Variants in GALNTL6 observed in about 807,000 individuals in gnomAD.
The protein encoded by GALNTL6 is polypeptide N-acetylgalactosaminyltransferase-like 6.
GALNTL6 carries 46 observed loss-of-function variants against 73.7 expected under a neutral mutation model. The ratio of observed to expected loss-of-function variants is 0.62; its 90% CI spans 0.49 to 0.80. GALNTL6 has a LOEUF of 0.80. Among genes scored for constraint, GALNTL6 ranks in the 30% least tolerant of loss-of-function variants. The pLI is 0.00. For synonymous variants in GALNTL6, 259 were observed against 263.7 expected (o/e 0.98, Z 0.17); for missense variants, 604 against 755.0 (o/e 0.80, Z 2.34).
intron 2 of GALNTL6, among the ~76,000 whole-genome samples, chr4:171,994,788 A>G (rs947617643): frequency 5.9e-5 from 9 of 152,112 alleles, no homozygotes; most frequent in South Asian, 2.1e-4. Flanking sequence ...ACTCCCAGAA[A>G]ACTCAGAGGC....
In GALNTL6 at chr4:172,476,953, CTTGCTCTGTCGCCCAGGCTAGA is replaced by C. The variant is rs1176615745; in HGVS notation, c.553+128265_553+128286del. Among the ~76,000 whole-genome samples the C allele has an allele frequency of 3.7e-4, 46 of 123,002 alleles. No homozygotes were observed. In the East Asian group the frequency reaches 8.7e-3, roughly 23 times the overall value. The allele number at this position is 123,002 out of a possible 152,430, so 80.7% of individuals were successfully genotyped here. A position where few individuals can be genotyped will look rare whatever the true frequency, so the allele number is the denominator to read the frequency against. On this transcript the variant is annotated intron_variant, in intron 5 of 12. Coordinates refer to ENST00000506823, the MANE Select transcript of GALNTL6 (RefSeq NM_001034845.3). ...TTTTTTTTTTTTTTTGAGACAGAGT[CTTGCTCTGTCGCCCAGGCTAGA>C]GTGCAGTGGCACGATCTCGGCTCAC...
intron 5 of GALNTL6, among the ~76,000 whole-genome samples, chr4:172,354,927 C>T (rs541081151): frequency 7.2e-5 from 11 of 152,074 alleles, no homozygotes; most frequent in Non-Finnish European, 1.0e-4. Context: ...TCCTGAAGTG[C>T]GAATGTGAAT....
At chr4:171,962,007 T>C (rs1268495519) in intron 2 of GALNTL6, among the ~76,000 whole-genome samples, 5 of 152,198 alleles carry the variant, frequency 3.3e-5, no homozygotes, top group African/African-American at 1.2e-4. Flanking sequence ...TTATTAATCT[T>C]CCATATATAA....
chr4:172,701,139 T>A (rs929365711), intron 5 of GALNTL6, among the ~76,000 whole-genome samples: 3 of 152,110 alleles, frequency 2.0e-5, no homozygotes, highest in Admixed American at 2.0e-4. Context: ...TAAAGAAGAC[T>A]GAAGATATGT....
At chr4:172,686,630 A>G (rs566791807) in intron 5 of GALNTL6, among the ~76,000 whole-genome samples, 8 of 152,356 alleles carry the variant, frequency 5.3e-5, no homozygotes, top group African/African-American at 1.9e-4. Flanking sequence ...TTTATTTTTA[A>G]CTTATTAAAA....
chr4:171,843,467 T>C (rs2110847272), intron 2 of GALNTL6, among the ~76,000 whole-genome samples: 1 of 152,186 alleles, frequency 6.6e-6, no homozygotes, highest in South Asian at 2.1e-4. Flanking sequence ...ATACAGTAAC[T>C]GGAGACAAAT....
chr4:172,421,813 T>C (rs556754216), intron 5 of GALNTL6, among the ~76,000 whole-genome samples: 4 of 152,240 alleles, frequency 2.6e-5, no homozygotes, highest in Non-Finnish European at 4.4e-5. Flanking sequence ...TTGTCTCCCA[T>C]GGCTCCTGAA....
intron 5 of GALNTL6, among the ~76,000 whole-genome samples, chr4:172,594,332 G>A (rs1032138390): frequency 8.5e-5 from 13 of 152,144 alleles, no homozygotes; most frequent in African/African-American, 2.4e-4. Context: ...GTGACAGAGC[G>A]AAACTCTGTC....
chr4:171,920,835 C>A (rs1372646311), intron 2 of GALNTL6, among the ~76,000 whole-genome samples: 1 of 152,120 alleles, frequency 6.6e-6, no homozygotes, highest in African/African-American at 2.4e-5. Flanking sequence ...TGAAAAGCAT[C>A]TCTATCCATA....
At chr4:172,978,452 A>T (rs956286195) in intron 10 of GALNTL6, among the ~76,000 whole-genome samples, 1 of 152,084 alleles carries the variant, frequency 6.6e-6, no homozygotes, top group Non-Finnish European at 1.5e-5. Context: ...AACCCTCCTA[A>T]TTGTGCACAA....
At chr4:172,983,706 A>G (rs1579742643) in intron 10 of GALNTL6, among the ~76,000 whole-genome samples, 1 of 152,188 alleles carries the variant, frequency 6.6e-6, no homozygotes, top group South Asian at 2.1e-4. Context: ...AAAAAAATAT[A>G]TATATATGAA....
chr4:172,705,751 C>A (rs1269726151), intron 5 of GALNTL6, among the ~76,000 whole-genome samples: 1 of 152,036 alleles, frequency 6.6e-6, no homozygotes, highest in African/African-American at 2.4e-5. Context: ...GTACACAATT[C>A]TTGGTTGACA....
At chr4:172,980,910 G>A (rs1411267812) in intron 10 of GALNTL6, among the ~76,000 whole-genome samples, 1 of 152,128 alleles carries the variant, frequency 6.6e-6, no homozygotes, top group Non-Finnish European at 1.5e-5. Flanking sequence ...CTATCAATTT[G>A]ACTGTTTCAG....
chr4:171,970,847 TA>T (rs1297573346), intron 2 of GALNTL6, among the ~76,000 whole-genome samples: 1 of 152,196 alleles, frequency 6.6e-6, no homozygotes, highest in Non-Finnish European at 1.5e-5. Flanking sequence ...TAACTTATTT[TA>T]AAAAAAGTTT....
intron 11 of GALNTL6, among the ~76,000 whole-genome samples, chr4:173,016,574 T>C (rs978549005): frequency 1.3e-5 from 2 of 152,246 alleles, no homozygotes; most frequent in Non-Finnish European, 2.9e-5. Context: ...TTAGTCCCTA[T>C]GTTTTGGCCA....
intron 10 of GALNTL6, among the ~76,000 whole-genome samples, chr4:172,986,983 A>G (rs1486415665): frequency 6.6e-6 from 1 of 152,212 alleles, no homozygotes; most frequent in African/African-American, 2.4e-5. Flanking sequence ...AAACTGTAGA[A>G]CATATTTTTT....
At chr4:171,943,963 C>G (rs760629802) in intron 2 of GALNTL6, among the ~76,000 whole-genome samples, 1 of 151,794 alleles carries the variant, frequency 6.6e-6, no homozygotes, top group Non-Finnish European at 1.5e-5. Context: ...CATATTTGAA[C>G]CTAAGCCTTC....
chr4:172,656,172 T>C (rs1731000111), intron 5 of GALNTL6, among the ~76,000 whole-genome samples: 1 of 152,078 alleles, frequency 6.6e-6, no homozygotes, highest in Non-Finnish European at 1.5e-5. Context: ...CTCAAATCTG[T>C]CTCCCTGAGC....
chr4:172,781,299 A>T (rs531327864), intron 5 of GALNTL6, among the ~76,000 whole-genome samples: 23 of 152,326 alleles, frequency 1.5e-4, no homozygotes, highest in African/African-American at 5.3e-4. Flanking sequence ...TCTATGAAGT[A>T]AAACTTTCGA....
Sources: allele counts gnomAD v4.1 joint callset (sites outside exome capture counted in the v4.1 genomes callset), GRCh38; gene constraint gnomAD v4.1.1; transcripts MANE v1.5; gene names NCBI Gene and HGNC (gene_info 2026-07-23, HGNC 2026-07-21).